The following FMNL2 variants were observed in gnomAD, a reference collection of about 807,000 sequenced individuals.
The protein encoded by FMNL2 is formin like 2.
FMNL2 carries 51 observed loss-of-function variants against 130.2 expected under a neutral mutation model. The observed-to-expected ratio is 0.39, with a 90% CI of 0.31 to 0.49. FMNL2 has a LOEUF of 0.49. Among genes scored for constraint, FMNL2 ranks in the 20% least tolerant of loss-of-function variants. FMNL2 has a pLI of 0.85. For missense variants in FMNL2, 977 were observed against 1,316.2 expected (o/e 0.74, Z 3.99); for synonymous variants, 465 against 467.1 (o/e 1.00, Z 0.06).
intron 1 of FMNL2, among the ~76,000 whole-genome samples, chr2:152,354,861 TG>T (rs1682698211): frequency 6.6e-6 from 1 of 152,204 alleles, no homozygotes; most frequent in Non-Finnish European, 1.5e-5. Flanking sequence ...TTAAATTGCA[TG>T]GGCGGAAGCT....
chr2:152,427,247 G>A (rs1376889872), intron 1 of FMNL2, among the ~76,000 whole-genome samples: 1 of 152,154 alleles, frequency 6.6e-6, no homozygotes, highest in Non-Finnish European at 1.5e-5. Context: ...AGAAGTTAAT[G>A]CTTTAAAATC....
chr2:152,359,084 A>G (rs902575048), intron 1 of FMNL2, among the ~76,000 whole-genome samples: 1 of 152,210 alleles, frequency 6.6e-6, no homozygotes, highest in Non-Finnish European at 1.5e-5. Flanking sequence ...GCTGCCATCT[A>G]GGAGCTTACA....
In FMNL2 at chr2:152,337,061, G is replaced by A. The variant is rs112236935; in HGVS notation, c.117+1341G>A. On this transcript the variant is annotated intron_variant, in intron 1 of 25. Transcript: ENST00000288670. The stretch of plus-strand genomic sequence containing the variant: ...ATGTTCTGGATGGCAGGTTAGCTGT[G>A]TGCTCTTTGGGAGAACTGAGCTCTC... Among the ~76,000 whole-genome samples, 518 of 152,274 alleles carry A rather than the reference G, an allele frequency of 3.4e-3. 3 individuals are homozygous for A. Among genetic ancestry groups the A allele is most frequent in the Middle Eastern group, 0.017 (5 of 294 alleles).
At chr2:152,640,650 G>A (rs1683002715) in intron 24 of FMNL2, 141 bp from the exon 25 acceptor site, 2 of 1,060,658 alleles carry the variant, frequency 1.9e-6, no homozygotes, top group Non-Finnish European at 2.6e-6. Flanking sequence ...TGAGTTCTCT[G>A]CAACTGAGCA....
At chr2:152,644,926 T>G (rs1683414466) in intron 25 of FMNL2, among the ~76,000 whole-genome samples, 1 of 152,194 alleles carries the variant, frequency 6.6e-6, no homozygotes, top group Admixed American at 6.5e-5. Flanking sequence ...TCTAGTTGAT[T>G]AGAAAAGAGA....
Position 152,578,621 on chromosome 2 carries a change from T to G in FMNL2, c.706-267T>G, listed in dbSNP as rs73969132. 794 of 250,366 alleles carry G rather than the reference T, an allele frequency of 3.2e-3. 4 individuals are homozygous for G. Among genetic ancestry groups the G allele is most frequent in the African/African-American group, 0.013 (573 of 44,406 alleles). 15.5% of individuals were successfully genotyped at this position (250,366 alleles called of 1,614,324 possible). ...TTTTTTTTTTTGAGAGATGTGGGTC[T>G]TGTTGTCCTGGACTCAAGCTGTACC... On this transcript the variant is annotated intron_variant, in intron 7 of 25. Transcript: ENST00000288670.
intron 1 of FMNL2, among the ~76,000 whole-genome samples, chr2:152,480,028 A>C (rs1690407891): frequency 6.6e-6 from 1 of 152,204 alleles, no homozygotes; most frequent in South Asian, 2.1e-4. Context: ...GCATATACTT[A>C]AATGGGATGC....
intron 1 of FMNL2, among the ~76,000 whole-genome samples, chr2:152,485,277 G>T (rs546654496): frequency 2.0e-5 from 3 of 152,330 alleles, no homozygotes; most frequent in Non-Finnish European, 4.4e-5. Flanking sequence ...CAGATCACGA[G>T]GTCAAGAGAT....
intron 6 of FMNL2, among the ~76,000 whole-genome samples, chr2:152,572,522 A>C (rs569867435): frequency 6.6e-6 from 1 of 152,206 alleles, no homozygotes; most frequent in African/African-American, 2.4e-5. Context: ...AGATAGTGTG[A>C]GCTTCTGCAG....
chr2:152,369,468 T>C (rs1683749307), intron 1 of FMNL2, among the ~76,000 whole-genome samples: 1 of 152,364 alleles, frequency 6.6e-6, no homozygotes, highest in Non-Finnish European at 1.5e-5. Context: ...GTAATGTACT[T>C]GCTTGATGCC....
At chr2:152,399,749 C>T (rs933196031) in intron 1 of FMNL2, among the ~76,000 whole-genome samples, 3 of 152,070 alleles carry the variant, frequency 2.0e-5, no homozygotes, top group Admixed American at 6.5e-5. Flanking sequence ...GCAATCGATT[C>T]GATTGAGAGG....
chr2:152,470,056 C>A (rs1689775244), intron 1 of FMNL2, among the ~76,000 whole-genome samples: 1 of 152,148 alleles, frequency 6.6e-6, no homozygotes. Flanking sequence ...CCTGACCATA[C>A]CCTCCCTGCT....
chr2:152,626,966 C>G (rs1681834799), intron 17 of FMNL2, among the ~76,000 whole-genome samples: 2 of 152,264 alleles, frequency 1.3e-5, no homozygotes, highest in African/African-American at 4.8e-5. Context: ...GTATTAGAAC[C>G]AGTAACTAAT....
chr2:152,508,783 G>A (rs1579841117), intron 1 of FMNL2, among the ~76,000 whole-genome samples: 1 of 152,120 alleles, frequency 6.6e-6, no homozygotes, highest in Admixed American at 6.6e-5. Flanking sequence ...CTACTGTTGT[G>A]GTTTACCCAG....
chr2:152,529,763 T>G (rs1414381582), intron 2 of FMNL2, among the ~76,000 whole-genome samples: 1 of 151,946 alleles, frequency 6.6e-6, no homozygotes, highest in Non-Finnish European at 1.5e-5. Context: ...GAGATTGGAG[T>G]CAGGGGAGAG....
chr2:152,527,541 A>G (rs1362218857), intron 2 of FMNL2, among the ~76,000 whole-genome samples: 2 of 152,156 alleles, frequency 1.3e-5, no homozygotes, highest in African/African-American at 4.8e-5. Flanking sequence ...TTATCCTGGA[A>G]TATAATTATT....
At chr2:152,458,757 C>T (rs1305921630) in intron 1 of FMNL2, among the ~76,000 whole-genome samples, 6 of 152,122 alleles carry the variant, frequency 3.9e-5, no homozygotes, top group Admixed American at 2.6e-4. Flanking sequence ...TGATGCTGTG[C>T]GGGAAACTCC....
intron 1 of FMNL2, among the ~76,000 whole-genome samples, chr2:152,455,061 G>C (rs1688875362): frequency 6.6e-6 from 1 of 152,158 alleles, no homozygotes; most frequent in African/African-American, 2.4e-5. Flanking sequence ...AGAAGTCCTG[G>C]GGATGTTCAA....
chr2:152,425,734 C>G (rs1687166775), intron 1 of FMNL2, among the ~76,000 whole-genome samples: 2 of 152,180 alleles, frequency 1.3e-5, no homozygotes, highest in African/African-American at 4.8e-5. Context: ...TATGTCTTGT[C>G]TATAACATTG....
Sources: gnomAD v4.1 joint callset for allele counts (sites outside exome capture counted in the v4.1 genomes callset) on GRCh38, gnomAD v4.1.1 for gene constraint, MANE v1.5 for transcripts, NCBI Gene and HGNC (gene_info 2026-07-23, HGNC 2026-07-21) for gene names.